The following KBTBD11 variants were observed in gnomAD, a reference collection of about 807,000 sequenced individuals.
KBTBD11 encodes kelch repeat and BTB domain-containing protein 11.
For missense variants in KBTBD11, 1,390 were observed against 1,001.8 expected, an observed-to-expected ratio of 1.39 and a Z score of -5.23; for synonymous variants, 747 against 499.0, an observed-to-expected ratio of 1.50 and a Z score of -6.63.
rs1478980806 is a variant in KBTBD11 at position 2,001,764 on chromosome 8, C to T, written c.572C>T (p.Ala191Val). 33 of 1,294,092 alleles carry T rather than the reference C, an allele frequency of 2.6e-5. No homozygotes were observed. Among genetic ancestry groups the T allele is most frequent in the Non-Finnish European group, 3.1e-5 (32 of 1,023,852 alleles). 80.2% of individuals were successfully genotyped at this position (1,294,092 alleles called of 1,614,324 possible). Residue 191 changes from alanine (A) to valine (V), a missense_variant, in exon 2 of 2, where the codon GCC (alanine) becomes GTC (valine). Coordinates refer to ENST00000320248, the MANE Select transcript of KBTBD11 (RefSeq NM_014867.3). ...GCGCTGCGGCTGCTCCTCGCCGACG[C>T]CTACAGCGGGCGCATGGCGGGCGTG... The part of the protein sequence containing the change: ...LTALRLLLAD[A>V]YSGRMAGVRP...
chr8:1,980,572 C>G (rs549861363), intron 1 of KBTBD11, among the ~76,000 whole-genome samples: 4 of 152,228 alleles, frequency 2.6e-5, no homozygotes, highest in African/African-American at 9.6e-5. Context: ...CAGCCTCTGC[C>G]TCCACACTGC....
At chr8:1,988,030 G>T (rs1816760663) in intron 1 of KBTBD11, among the ~76,000 whole-genome samples, 1 of 152,218 alleles carries the variant, frequency 6.6e-6, no homozygotes, top group Middle Eastern at 3.4e-3. Context: ...ATGGTTTCCA[G>T]CTTCATCCAT....
chr8:1,974,625 G>A, intron 1 of KBTBD11: 1 of 985,258 alleles, frequency 1.0e-6, no homozygotes, highest in Non-Finnish European at 1.2e-6. Flanking sequence ...CCGCGCCGCG[G>A]CTCCCGAGTC....
At position 2,002,956 on chromosome 8, in the gene KBTBD11, C is replaced by T; in HGVS notation, c.1764C>T (p.Gly588=). 3.8e-6 allele frequency: 5 copies of T among 1,316,984 alleles called. No individual in the cohort carries two copies. The highest frequency in any genetic ancestry group is 2.0e-5 in the South Asian group (1 of 49,010). The allele number at this position is 1,316,984 out of a possible 1,614,324, so 81.6% of individuals were successfully genotyped here. A position where few individuals can be genotyped will look rare whatever the true frequency, so the allele number is the denominator to read the frequency against. ...AGGCCGGCGGCGACGCAGGCCAGGG[C>T]GGCGGCTTCGAGGCGCTGGGCGCCC... ...EGEAGGDAGQ[G]GGFEALGAPL... is the part of the protein sequence containing the mutation. The change falls in exon 2 of 2, where the codon GGC becomes GGT. Residue 588 remains glycine (G), a synonymous_variant. Transcript: ENST00000320248. The surrounding 1 kb of genome is among the most constrained non-coding windows in gnomAD (Gnocchi z 4.1).
intron 1 of KBTBD11, chr8:1,974,789 T>TTTG (rs1371842148): frequency 2.7e-6 from 2 of 738,294 alleles, no homozygotes; most frequent in Non-Finnish European, 3.3e-6. Flanking sequence ...TTTAGAGTCC[T>TTTG]ACAAAACCAC....
rs1817420351 is a variant in KBTBD11 at position 2,002,487 on chromosome 8, C to G, written c.1295C>G (p.Ala432Gly). The change falls in exon 2 of 2, where the codon GCC becomes GGC. Residue 432 changes from alanine to glycine, a missense_variant. Coordinates refer to ENST00000320248, the MANE Select transcript of KBTBD11 (RefSeq NM_014867.3). This position sits in a 1 kb window ranked among gnomAD's most constrained non-coding sequence, Gnocchi z 4.1. ...LLSVERYDPR[A>G]DRWAPVAPLP... The stretch of plus-strand genomic sequence containing the variant: ...AGCGTGGAGCGCTACGACCCGCGCG[C>G]CGACCGCTGGGCCCCCGTGGCGCCG... 1 of 1,508,104 alleles carries G rather than the reference C, an allele frequency of 6.6e-7. No homozygotes were observed. The highest frequency in any genetic ancestry group is 1.2e-5 in the South Asian group (1 of 81,000). 93.4% of individuals were successfully genotyped at this position (1,508,104 alleles called of 1,614,324 possible). A position where few individuals can be genotyped will look rare whatever the true frequency, so the allele number is the denominator to read the frequency against.
At chr8:1,984,813 C>A (rs771760928) in intron 1 of KBTBD11, among the ~76,000 whole-genome samples, 2 of 152,064 alleles carry the variant, frequency 1.3e-5, no homozygotes, top group Admixed American at 1.3e-4. Context: ...AAGTGGCAGC[C>A]GATCATTGGA....
At chr8:1,974,822 G>A (rs2129306715) in intron 1 of KBTBD11, 1 of 389,458 alleles carries the variant, frequency 2.6e-6, no homozygotes, top group Non-Finnish European at 3.5e-6. Context: ...ACCCACTCCA[G>A]TGTCTATTCT....
rs564385369 is a variant in KBTBD11, at chr8:1,998,121, A to C, written c.-908-2164A>C. On this transcript the variant is annotated intron_variant, in intron 1 of 1. Transcript: ENST00000320248. ...CTGAACTGTTTTGAGTGCTGACATA[A>C]TGCTCATTGGATCCTTTCAGATTTG... Among the ~76,000 whole-genome samples the C allele has an allele frequency of 1.2e-4, 19 of 152,324 alleles. 1 individual carries two copies. Among genetic ancestry groups the C allele is most frequent in the African/African-American group, 4.6e-4 (19 of 41,568 alleles).
Position 2,006,574 on chromosome 8 carries a change from C to A in KBTBD11, c.*3510C>A, listed in dbSNP as rs1027244297. ...CACATCATTTCCACGTTTTCCACAT[C>A]CGGGAGGAAGCCTGGACTGTGCAGC... On this transcript the variant is annotated 3_prime_UTR_variant, in exon 2 of 2. Transcript: ENST00000320248. 6.0e-6 allele frequency: 1 copy of A among 167,082 alleles called. No individual in the cohort carries two copies. Among genetic ancestry groups the A allele is most frequent in the African/African-American group, 2.4e-5 (1 of 41,468 alleles). 10.3% of individuals were successfully genotyped at this position (167,082 alleles called of 1,614,324 possible). A position where few individuals can be genotyped will look rare whatever the true frequency, so the allele number is the denominator to read the frequency against.
chr8:1,974,964 G>T (rs1035646745), intron 1 of KBTBD11: 1 of 152,976 alleles, frequency 6.5e-6, no homozygotes, highest in African/African-American at 2.4e-5. Flanking sequence ...GATTCCCCGC[G>T]GTTCCCGCCT....
chr8:1,997,343 C>A (rs1442651101), intron 1 of KBTBD11, among the ~76,000 whole-genome samples: 8 of 151,666 alleles, frequency 5.3e-5, no homozygotes. Context: ...CTGCTAGACC[C>A]AAAGGCCAAC....
rs1314059538 is a variant in KBTBD11, at chr8:2,004,735, T to C, written c.*1671T>C. On this transcript the variant is annotated 3_prime_UTR_variant, in exon 2 of 2. Coordinates refer to ENST00000320248, the MANE Select transcript of KBTBD11 (RefSeq NM_014867.3). ...GATAGCTTGGCAACTTGGTTAATCATCTTGGGAAAGAAAAACAGACTTCAT... is the reference window on the plus strand; with the variant it reads ...GATAGCTTGGCAACTTGGTTAATCACCTTGGGAAAGAAAAACAGACTTCAT... The C allele has an allele frequency of 1.2e-5, 2 of 167,034 alleles. No individual in the cohort carries two copies. Among genetic ancestry groups the C allele is most frequent in the African/African-American group, 4.8e-5 (2 of 41,420 alleles). The allele number at this position is 167,034 out of a possible 1,614,324, so 10.3% of individuals were successfully genotyped here.
chr8:1,993,922 TACACAC>T (rs57317862), intron 1 of KBTBD11, among the ~76,000 whole-genome samples: 144 of 139,756 alleles, frequency 1.0e-3, no homozygotes, highest in East Asian at 1.4e-3. Flanking sequence ...CAATACCCCC[TACACAC>T]ACACACACAC....
At chr8:1,982,741 A>G (rs1816580721) in intron 1 of KBTBD11, among the ~76,000 whole-genome samples, 1 of 150,158 alleles carries the variant, frequency 6.7e-6, no homozygotes, top group Non-Finnish European at 1.5e-5. Flanking sequence ...TGAGTTGCTG[A>G]GCACTTTTTT....
chr8:1,974,655 G>T (rs1585711676), intron 1 of KBTBD11: 5 of 985,330 alleles, frequency 5.1e-6, no homozygotes, highest in Non-Finnish European at 6.0e-6. Context: ...GCCCCTTGCA[G>T]CCCCCGCCCC....
rs1242159929 is a variant in KBTBD11 at position 2,004,723 on chromosome 8, C to G, written c.*1659C>G. The G allele has an allele frequency of 1.2e-5, 2 of 166,936 alleles. No individual in the cohort carries two copies. The highest frequency in any genetic ancestry group is 2.9e-5 in the Non-Finnish European group (2 of 68,128). The allele number at this position is 166,936 out of a possible 1,614,324, so 10.3% of individuals were successfully genotyped here. ...ATGAACTGAGGGGATAGCTTGGCAA[C>G]TTGGTTAATCATCTTGGGAAAGAAA... On this transcript the variant is annotated 3_prime_UTR_variant, in exon 2 of 2. Transcript: ENST00000320248.
chr8:2,004,630 G>A lies in KBTBD11; in HGVS notation c.*1566G>A, dbSNP rs746772331. On this transcript the variant is annotated 3_prime_UTR_variant, in exon 2 of 2. Transcript: ENST00000320248. ...TCAGCTTGAACCTTATGCATGACTC[G>A]GGGGCTGGAATTTATGATCTGGGTT... 6.0e-6 allele frequency: 1 copy of A among 167,048 alleles called. No homozygotes were observed. The highest frequency in any genetic ancestry group is 1.5e-5 in the Non-Finnish European group (1 of 68,128). 10.3% of individuals were successfully genotyped at this position (167,048 alleles called of 1,614,324 possible). A position where few individuals can be genotyped will look rare whatever the true frequency, so the allele number is the denominator to read the frequency against.
At chr8:1,975,802 A>G (rs966855495) in intron 1 of KBTBD11, 9 of 152,226 alleles carry the variant, frequency 5.9e-5, no homozygotes, top group African/African-American at 2.2e-4. Flanking sequence ...CTCTGGGTGG[A>G]TGGAAGAATC....
Sources: allele counts gnomAD v4.1 joint callset (sites outside exome capture counted in the v4.1 genomes callset), GRCh38; gene constraint gnomAD v4.1.1; non-coding constraint Gnocchi (gnomAD v3.1); transcripts MANE v1.5; gene names NCBI Gene and HGNC (gene_info 2026-07-23, HGNC 2026-07-21).